The following PDE3A variants were observed in gnomAD, a reference collection of about 807,000 sequenced individuals.
PDE3A encodes the protein cGMP-inhibited 3',5'-cyclic phosphodiesterase 3A.
In PDE3A, 43 loss-of-function variants were observed where a neutral mutation model predicts 98.3. That is an observed-to-expected ratio of 0.44 (90% CI 0.34 to 0.56). The LOEUF is 0.56. PDE3A is among the 20% of genes least tolerant of loss of function. The probability of loss-of-function intolerance (pLI) is 0.01; values close to 1 mark genes in which losing one functional copy is unlikely to be tolerated. For missense variants in PDE3A, 1,427 were observed against 1,440.7 expected (o/e 0.99, Z 0.15); for synonymous variants, 663 against 567.9 (o/e 1.17, Z -2.38).
rs1050024693 is a variant in PDE3A, at chr12:20,582,002, C to T, written c.1011+25292C>T. On this transcript the variant is annotated intron_variant, in intron 2 of 15. Coordinates refer to ENST00000359062, the MANE Select transcript of PDE3A (RefSeq NM_000921.5). Reference sequence around the variant, plus strand: ...AGCTCCTTTCAAAGATTTAATTCTACGTTCTAAAATATGTATTGTGTTATT... The same window carrying T: ...AGCTCCTTTCAAAGATTTAATTCTATGTTCTAAAATATGTATTGTGTTATT... Among the ~76,000 whole-genome samples, 8 of 151,830 alleles carry T rather than the reference C, an allele frequency of 5.3e-5. No individual in the cohort carries two copies. The South Asian group carries it at 1.0e-3, about 20-fold the overall frequency.
chr12:20,650,243 C>T (rs1490689450), intron 13 of PDE3A, among the ~76,000 whole-genome samples: 6 of 139,266 alleles, frequency 4.3e-5, no homozygotes, highest in South Asian at 2.3e-4. Flanking sequence ...ATCCATAATT[C>T]GTTATTTTAC....
intron 1 of PDE3A, among the ~76,000 whole-genome samples, chr12:20,396,241 T>G (rs888948714): frequency 6.6e-6 from 1 of 152,132 alleles, no homozygotes; most frequent in Non-Finnish European, 1.5e-5. Context: ...TTTTTGCTGG[T>G]TTATCTCTAT....
At chr12:20,400,530 C>T (rs1411473788) in intron 1 of PDE3A, among the ~76,000 whole-genome samples, 1 of 151,716 alleles carries the variant, frequency 6.6e-6, no homozygotes, top group Non-Finnish European at 1.5e-5. Flanking sequence ...CCTCAGCCTC[C>T]CAGGTAGCTG....
At chr12:20,460,550 T>A (rs1033132437) in intron 1 of PDE3A, among the ~76,000 whole-genome samples, 4 of 152,236 alleles carry the variant, frequency 2.6e-5, no homozygotes, top group African/African-American at 9.6e-5. Context: ...GATAAATCTT[T>A]AAGCTTTTGG....
chr12:20,476,975 A>G (rs554309260), intron 1 of PDE3A, among the ~76,000 whole-genome samples: 92 of 152,330 alleles, frequency 6.0e-4, no homozygotes, highest in Non-Finnish European at 9.6e-4. Flanking sequence ...ACTGTTGGCT[A>G]TGAATTAAAA....
intron 1 of PDE3A, among the ~76,000 whole-genome samples, chr12:20,479,412 A>C (rs1005311286): frequency 6.6e-6 from 1 of 152,152 alleles, no homozygotes; most frequent in East Asian, 1.9e-4. Flanking sequence ...CCTGAAGTTC[A>C]TGTATTACCT....
At chr12:20,600,576 G>A (rs1187984228) in intron 2 of PDE3A, among the ~76,000 whole-genome samples, 1 of 152,072 alleles carries the variant, frequency 6.6e-6, no homozygotes, top group Non-Finnish European at 1.5e-5. Flanking sequence ...GGCCTGTTAA[G>A]ATCTTTTCCT....
chr12:20,399,773 C>A (rs1207574081), intron 1 of PDE3A, among the ~76,000 whole-genome samples: 1 of 151,980 alleles, frequency 6.6e-6, no homozygotes, highest in Non-Finnish European at 1.5e-5. Flanking sequence ...ATTAAATTTC[C>A]ACCTACAAGA....
intron 2 of PDE3A, among the ~76,000 whole-genome samples, chr12:20,592,900 A>G (rs7138996): frequency 0.71 from 107,944 of 151,992 alleles, 38,395 homozygotes; most frequent in East Asian, 0.79. Context: ...AGAATAGCAC[A>G]TTGTGTTAGA....
At chr12:20,514,099 A>C (rs1946274559) in intron 1 of PDE3A, among the ~76,000 whole-genome samples, 1 of 152,182 alleles carries the variant, frequency 6.6e-6, no homozygotes, top group African/African-American at 2.4e-5. Context: ...TTTCACCCTA[A>C]AATAATTAAA....
chr12:20,422,238 C>T (rs1565544185), intron 1 of PDE3A, among the ~76,000 whole-genome samples: 3 of 151,672 alleles, frequency 2.0e-5, no homozygotes, highest in South Asian at 2.1e-4. Context: ...CCCAGCTACT[C>T]GGGAGGCTGA....
intron 12 of PDE3A, among the ~76,000 whole-genome samples, chr12:20,647,352 A>G (rs181122703): frequency 9.8e-4 from 149 of 152,314 alleles, no homozygotes; most frequent in African/African-American, 3.4e-3. Flanking sequence ...TATATTCAAT[A>G]TAACAATTAT....
intron 7 of PDE3A, among the ~76,000 whole-genome samples, chr12:20,634,547 G>A (rs188886997): frequency 1.8e-4 from 28 of 152,210 alleles, no homozygotes; most frequent in Admixed American, 1.6e-3. Flanking sequence ...CCCACCTCAC[G>A]TGCCCGTTCT....
In PDE3A at chr12:20,369,612, G is replaced by A. The variant is rs1292318487; in HGVS notation, c.328G>A (p.Gly110Ser). 7.6e-6 allele frequency: 12 copies of A among 1,574,600 alleles called. No homozygotes were observed. The highest frequency in any genetic ancestry group is 1.7e-4 in the Middle Eastern group (1 of 5,934). ...GGAAGCAGCCCCGGGAGCAGAAGGGGGCGTCTTCCCGGGGCCTCGGGGAGG... is the reference window on the plus strand; with the variant it reads ...GGAAGCAGCCCCGGGAGCAGAAGGGAGCGTCTTCCCGGGGCCTCGGGGAGG... ...EEEAAPGAEGGVFPGPRGGAP... is the reference protein window; with the variant it reads ...EEEAAPGAEGSVFPGPRGGAP... The change falls in exon 1 of 16, where the codon GGC becomes AGC. Residue 110 changes from glycine (G) to serine (S), a missense_variant. Transcript: ENST00000359062.
intron 2 of PDE3A, among the ~76,000 whole-genome samples, chr12:20,588,022 C>A (rs1288019502): frequency 6.6e-6 from 1 of 152,108 alleles, no homozygotes; most frequent in Admixed American, 6.6e-5. Context: ...TAGAGAAAAT[C>A]TTTTTTAAAG....
intron 1 of PDE3A, among the ~76,000 whole-genome samples, chr12:20,382,367 G>A (rs1301787457): frequency 6.6e-6 from 1 of 151,822 alleles, no homozygotes; most frequent in African/African-American, 2.4e-5. Flanking sequence ...TCAGTATCAT[G>A]GGGAAAAACT....
Position 20,660,418 on chromosome 12 carries a change from C to A in PDE3A, c.3184+6213C>A, listed in dbSNP as rs138602124. Among the ~76,000 whole-genome samples the A allele has an allele frequency of 2.6e-4, 39 of 152,262 alleles. No homozygotes were observed. In the East Asian group the frequency reaches 6.4e-3, roughly 25 times the overall value. On this transcript the variant is annotated intron_variant, in intron 15 of 15. Coordinates refer to ENST00000359062, the MANE Select transcript of PDE3A (RefSeq NM_000921.5). ...TGGAAGCAACTTTGGAACACAGTAA[C>A]AGGCAGAGATTGGAACAGTTTGGAG...
intron 8 of PDE3A, among the ~76,000 whole-genome samples, chr12:20,636,154 G>A (rs1944509288): frequency 6.6e-6 from 1 of 152,098 alleles, no homozygotes; most frequent in Non-Finnish European, 1.5e-5. Context: ...ATATTGTCAG[G>A]CATATATTGG....
intron 1 of PDE3A, among the ~76,000 whole-genome samples, chr12:20,555,695 T>C (rs1942352672): frequency 6.6e-6 from 1 of 152,230 alleles, no homozygotes; most frequent in Admixed American, 6.5e-5. Context: ...GAGCACTCAA[T>C]AGTTTATAGA....
Sources: gnomAD v4.1 joint callset for allele counts (sites outside exome capture counted in the v4.1 genomes callset) on GRCh38, gnomAD v4.1.1 for gene constraint, MANE v1.5 for transcripts, NCBI Gene and HGNC (gene_info 2026-07-23, HGNC 2026-07-21) for gene names.